ITPK1: variants seen among roughly 807,000 people sequenced by gnomAD.
ITPK1 encodes inositol 1,3,4-trisphosphate 5/6-kinase.
A neutral mutation model predicts 45.3 loss-of-function variants in ITPK1; 21 were observed. That is an observed-to-expected ratio of 0.46 (90% CI 0.33 to 0.67). The LOEUF is 0.67. Ranked by LOEUF, ITPK1 falls within the 30% of genes least tolerant of loss-of-function variation. ITPK1 has a pLI of 0.02. For synonymous variants in ITPK1, 258 were observed against 253.6 expected (o/e 1.02, Z -0.16); for missense variants, 474 against 573.5 (o/e 0.83, Z 1.77).
intron 6 of ITPK1, 31 bp from the exon 7 acceptor site, chr14:92,962,426 A>T: frequency 6.6e-7 from 1 of 1,518,904 alleles, no homozygotes; most frequent in South Asian, 1.1e-5. Context: ...AGCAGAGAGA[A>T]ATTAGTGAGG....
At chr14:92,944,439 T>TCCACACTGGCTCACAGTGCC (rs1887582985) in intron 10 of ITPK1, among the ~76,000 whole-genome samples, 1 of 152,134 alleles carries the variant, frequency 6.6e-6, no homozygotes, top group South Asian at 2.1e-4. Context: ...ACCCTCCCTG[T>TCCACACTGGCTCACAGTGCC]CCACACTGGC....
At chr14:92,942,062 G>A (rs552512303) in intron 10 of ITPK1, among the ~76,000 whole-genome samples, 158 bp from the exon 11 acceptor site, 2 of 152,192 alleles carry the variant, frequency 1.3e-5, no homozygotes, top group African/African-American at 2.4e-5. Flanking sequence ...AGCAGATAAG[G>A]GGGGCTGAGG....
chr14:92,949,953 G>T (rs1164648477), intron 9 of ITPK1, among the ~76,000 whole-genome samples: 2 of 152,154 alleles, frequency 1.3e-5, no homozygotes, highest in Non-Finnish European at 2.9e-5. Context: ...TGCCGAGACC[G>T]TGCCCATACT....
intron 3 of ITPK1, among the ~76,000 whole-genome samples, chr14:93,055,518 C>G (rs191944334): frequency 6.6e-6 from 1 of 152,254 alleles, no homozygotes; most frequent in East Asian, 1.9e-4. Flanking sequence ...TCCACGAAGG[C>G]AGAGGGATTT....
At chr14:93,051,713 G>C (rs2139931261) in intron 3 of ITPK1, among the ~76,000 whole-genome samples, 1 of 152,280 alleles carries the variant, frequency 6.6e-6, no homozygotes, top group Admixed American at 6.5e-5. Context: ...GAACCCCTAG[G>C]GGTGCCTCAT....
chr14:93,017,918 A>T (rs1275788238), intron 3 of ITPK1, among the ~76,000 whole-genome samples: 1 of 152,266 alleles, frequency 6.6e-6, no homozygotes, highest in Non-Finnish European at 1.5e-5. Flanking sequence ...GAATGAGAAA[A>T]GTGGAGGACG....
At chr14:93,058,559 C>G (rs1211497672) in intron 3 of ITPK1, among the ~76,000 whole-genome samples, 2 of 1,372 alleles carry the variant, frequency 1.5e-3, no homozygotes, top group East Asian at 0.014. Flanking sequence ...GGGGTGGAAG[C>G]GGTGCGGGTT....
intron 3 of ITPK1, among the ~76,000 whole-genome samples, chr14:93,073,110 G>C (rs1595190412): frequency 6.6e-6 from 1 of 152,230 alleles, no homozygotes; most frequent in Non-Finnish European, 1.5e-5. Context: ...GCCAGGCCCA[G>C]TGCCAATTAC....
chr14:93,092,002 C>T (rs920815957), intron 2 of ITPK1, among the ~76,000 whole-genome samples: 2 of 152,222 alleles, frequency 1.3e-5, no homozygotes, highest in East Asian at 3.8e-4. Context: ...GCACGGTGTC[C>T]AACCCCATGA....
intron 3 of ITPK1, among the ~76,000 whole-genome samples, chr14:93,046,676 G>A (rs927699252): frequency 3.9e-5 from 6 of 152,172 alleles, no homozygotes; most frequent in South Asian, 2.1e-4. Flanking sequence ...GGCAGAAACA[G>A]GAGACTGGTG....
At chr14:93,102,875 C>T (rs991084625) in intron 2 of ITPK1, among the ~76,000 whole-genome samples, 3 of 151,908 alleles carry the variant, frequency 2.0e-5, no homozygotes, top group Non-Finnish European at 4.4e-5. Context: ...CCGAGGTGGG[C>T]GGATCACGAG....
At chr14:92,990,142 C>T (rs141269365) in intron 5 of ITPK1, among the ~76,000 whole-genome samples, 1 of 152,330 alleles carries the variant, frequency 6.6e-6, no homozygotes, top group East Asian at 1.9e-4. Context: ...GACTCAATTT[C>T]CTGACTCCCT....
At chr14:92,944,568 T>C (rs1566685357) in intron 10 of ITPK1, among the ~76,000 whole-genome samples, 1 of 152,054 alleles carries the variant, frequency 6.6e-6, no homozygotes, top group African/African-American at 2.4e-5. Flanking sequence ...CTTCCCACCC[T>C]CTCCTGTCTC....
intron 5 of ITPK1, among the ~76,000 whole-genome samples, chr14:92,986,687 G>A (rs2139794032): frequency 6.6e-6 from 1 of 152,286 alleles, no homozygotes; most frequent in South Asian, 2.1e-4. Context: ...GGCTGTGGGT[G>A]GAGGGGCCTT....
At position 92,940,531 on chromosome 14, in the gene ITPK1, G is replaced by A; in HGVS notation, c.*1030C>T. 2 of 1,168,700 alleles carry A rather than the reference G, an allele frequency of 1.7e-6. No individual in the cohort carries two copies. Among genetic ancestry groups the A allele is most frequent in the African/African-American group, 1.6e-5 (1 of 61,666 alleles). The allele number at this position is 1,168,700 out of a possible 1,614,324, so 72.4% of individuals were successfully genotyped here. ...TGGACCAGGCCTGCTGGGTGAGGAG[G>A]GACCCAGCAGGTGTGAAAAGGAGTG... On this transcript the variant is annotated 3_prime_UTR_variant, in exon 11 of 11. Transcript: ENST00000267615.
At position 93,076,613 on chromosome 14, in the gene ITPK1, TC is replaced by T. The variant is rs1395624941; in HGVS notation, c.101del (p.Arg34GlnfsTer8). ...TACTCACCTGCACAACCTCCATCCC[TC>T]GCTTCCTGTGGAGAAAAACAAAGAA... ...FQAFAELCRKRGMEVVQLNLS... is the reference protein window; with the variant it reads ...FQAFAELCRKXGMEVVQLNLS... On this transcript the variant is annotated frameshift_variant, in exon 3 of 11. Transcript: ENST00000267615. LOFTEE classifies it high-confidence loss of function. The surrounding 1 kb of genome is among the most constrained non-coding windows in gnomAD (Gnocchi z 4.3). The T allele has an allele frequency of 6.2e-7, 1 of 1,614,064 alleles. No homozygotes were observed. The highest frequency in any genetic ancestry group is 8.5e-7 in the Non-Finnish European group (1 of 1,179,984).
rs554999272 is a variant in ITPK1, at chr14:93,036,773, T to A, written c.121-19972A>T. 1 of 152,300 alleles carries A rather than the reference T, an allele frequency of 6.6e-6. No individual in the cohort carries two copies. Among genetic ancestry groups the A allele is most frequent in the African/African-American group, 2.4e-5 (1 of 41,474 alleles). The allele number at this position is 152,300 out of a possible 1,614,324, so 9.4% of individuals were successfully genotyped here. A position where few individuals can be genotyped will look rare whatever the true frequency, so the allele number is the denominator to read the frequency against. On this transcript the variant is annotated intron_variant, in intron 3 of 10. Transcript: ENST00000267615. This position sits in a 1 kb window ranked among gnomAD's most constrained non-coding sequence, Gnocchi z 4.1. Reference sequence around the variant, plus strand: ...GGATGCAGCCCCCAGAACTTGGAAATGCCAAGAAAAATCCCCCCAGAGCAG... The same window carrying A: ...GGATGCAGCCCCCAGAACTTGGAAAAGCCAAGAAAAATCCCCCCAGAGCAG...
chr14:93,008,486 CG>C (rs1296923959), intron 4 of ITPK1, among the ~76,000 whole-genome samples: 3 of 152,160 alleles, frequency 2.0e-5, no homozygotes, highest in African/African-American at 7.2e-5. Flanking sequence ...GAGAGACAAA[CG>C]GGTAGGGGCC....
At chr14:92,993,171 C>T (rs141180802) in intron 5 of ITPK1, among the ~76,000 whole-genome samples, 47 of 152,346 alleles carry the variant, frequency 3.1e-4, no homozygotes, top group East Asian at 2.9e-3. Flanking sequence ...CTCACAAAGC[C>T]GGAGGGCCCA....
Sources: allele counts gnomAD v4.1 joint callset (sites outside exome capture counted in the v4.1 genomes callset), GRCh38; gene constraint gnomAD v4.1.1; non-coding constraint Gnocchi (gnomAD v3.1); transcripts MANE v1.5; gene names NCBI Gene and HGNC (gene_info 2026-07-23, HGNC 2026-07-21).